PUS7: variants seen among roughly 807,000 people sequenced by gnomAD.
PUS7 encodes the protein pseudouridylate synthase 7 homolog.
A neutral mutation model predicts 79.8 loss-of-function variants in PUS7; 48 were observed. The observed-to-expected ratio is 0.60, with a 90% confidence interval of 0.48 to 0.76. PUS7 has a LOEUF of 0.76. Ranked by LOEUF, PUS7 falls within the 30% of genes least tolerant of loss-of-function variation. The pLI is 0.00. For missense variants in PUS7, 729 were observed against 797.6 expected, an observed-to-expected ratio of 0.91 and a Z score of 1.04; for synonymous variants, 286 against 272.2, an observed-to-expected ratio of 1.05 and a Z score of -0.50.
Position 105,457,605 on chromosome 7 carries a change from A to G in PUS7, c.*185T>C. 1 of 463,418 alleles carries G rather than the reference A, an allele frequency of 2.2e-6. No individual in the cohort carries two copies. Among genetic ancestry groups the G allele is most frequent in the South Asian group, 5.7e-5 (1 of 17,596 alleles). 28.7% of individuals were successfully genotyped at this position (463,418 alleles called of 1,614,324 possible). On this transcript the variant is annotated 3_prime_UTR_variant, in exon 16 of 16. Transcript: ENST00000469408. ...ATTCTGAGCTAAAATTAAGAACCTC[A>G]GGATTTGTGTACATGTACAAATATT...
chr7:105,492,207 A>G (rs540103719), intron 6 of PUS7, among the ~76,000 whole-genome samples: 132 of 152,248 alleles, frequency 8.7e-4, no homozygotes, highest in African/African-American at 3.1e-3. Flanking sequence ...GTTGGAGGCT[A>G]CAGTGCGCTA....
At chr7:105,482,998 T>A (rs1199657387) in intron 7 of PUS7, among the ~76,000 whole-genome samples, 1 of 152,162 alleles carries the variant, frequency 6.6e-6, no homozygotes, top group Non-Finnish European at 1.5e-5. Context: ...ACATGTTATA[T>A]ATAGCTGGAA....
intron 14 of PUS7, 88 bp downstream of exon 14, chr7:105,462,533 G>T: frequency 7.3e-7 from 1 of 1,375,612 alleles, no homozygotes. Context: ...GAAAATTCTT[G>T]TGCAGTACAT....
At chr7:105,509,089 C>T (rs937145692) in intron 1 of PUS7, among the ~76,000 whole-genome samples, 1 of 141,976 alleles carries the variant, frequency 7.0e-6, no homozygotes, top group African/African-American at 2.6e-5. Context: ...GAGGCTGAGG[C>T]AGGAGAATCG....
intron 7 of PUS7, 33 bp from the exon 8 acceptor site, chr7:105,482,473 A>T (rs372648304): frequency 1.9e-6 from 3 of 1,558,062 alleles, no homozygotes; most frequent in Non-Finnish European, 2.6e-6. Flanking sequence ...AACAAAACAA[A>T]AAAGAGTAGA....
In PUS7 at chr7:105,457,693, T is replaced by G; in HGVS notation, c.*97A>C. On this transcript the variant is annotated 3_prime_UTR_variant, in exon 16 of 16. Coordinates refer to ENST00000469408, the MANE Select transcript of PUS7 (RefSeq NM_019042.5). ...ACAAATAATTTTTATTACAAAGATT[T>G]GAAATCCATATATGAGTCTGAACTA... 7.9e-6 allele frequency: 9 copies of G among 1,142,922 alleles called. No individual in the cohort carries two copies. Among genetic ancestry groups the G allele is most frequent in the African/African-American group, 1.6e-5 (1 of 63,000 alleles). 70.8% of individuals were successfully genotyped at this position (1,142,922 alleles called of 1,614,324 possible). A position where few individuals can be genotyped will look rare whatever the true frequency, so the allele number is the denominator to read the frequency against.
At chr7:105,466,531 G>A (rs553025041) in intron 12 of PUS7, among the ~76,000 whole-genome samples, 2 of 152,090 alleles carry the variant, frequency 1.3e-5, no homozygotes, top group African/African-American at 4.8e-5. Flanking sequence ...GGGATTACGG[G>A]TGTGAGCTAC....
At chr7:105,480,376 G>A (rs1350206359) in intron 9 of PUS7, among the ~76,000 whole-genome samples, 3 of 152,118 alleles carry the variant, frequency 2.0e-5, no homozygotes, top group African/African-American at 4.8e-5. Flanking sequence ...TTGGGATGCC[G>A]AGGCAGGAGA....
Position 105,457,182 on chromosome 7 carries a change from G to T in PUS7, c.*608C>A, listed in dbSNP as rs1434966364. On this transcript the variant is annotated 3_prime_UTR_variant, in exon 16 of 16. Transcript: ENST00000469408. ...AATAAAATGGGCCTATCAATGCAAC[G>T]TTCCTGCAAGGCATTGATAATATAA... The T allele has an allele frequency of 6.6e-6, 1 of 152,028 alleles. No individual in the cohort carries two copies. Among genetic ancestry groups the T allele is most frequent in the Non-Finnish European group, 1.5e-5 (1 of 68,010 alleles). The allele number at this position is 152,028 out of a possible 1,614,324, so 9.4% of individuals were successfully genotyped here. A position where few individuals can be genotyped will look rare whatever the true frequency, so the allele number is the denominator to read the frequency against.
intron 5 of PUS7, among the ~76,000 whole-genome samples, chr7:105,500,793 C>T (rs1825215898): frequency 6.6e-6 from 1 of 152,238 alleles, no homozygotes; most frequent in African/African-American, 2.4e-5. Context: ...GCTCCAATCA[C>T]TTTCCACTGG....
Position 105,491,614 on chromosome 7 carries a change from G to C in PUS7, c.846C>G (p.Val282=), listed in dbSNP as rs769175229. The C allele has an allele frequency of 6.4e-7, 1 of 1,574,178 alleles. No homozygotes were observed. The highest frequency in any genetic ancestry group is 8.7e-7 in the Non-Finnish European group (1 of 1,144,668). The change falls in exon 7 of 16, where the codon GTC becomes GTG. Residue 282 remains valine (V), a synonymous_variant. Coordinates refer to ENST00000469408, the MANE Select transcript of PUS7 (RefSeq NM_019042.5). Reference sequence around the variant, plus strand: ...CCATGTAGGAGAATATATTTGGCTTGACTCTGGTAAGAGAGAAACAAGATC... The same window carrying C: ...CCATGTAGGAGAATATATTTGGCTTCACTCTGGTAAGAGAGAAACAAGATC... ...AINVLSKYLR[V]KPNIFSYMGT... is the part of the protein sequence containing the mutation.
intron 5 of PUS7, among the ~76,000 whole-genome samples, chr7:105,501,887 G>A (rs538244502): frequency 3.0e-4 from 45 of 151,216 alleles, no homozygotes; most frequent in African/African-American, 5.1e-4. Context: ...CCCAGGAGGC[G>A]GAGCTTGCAG....
At chr7:105,467,368 C>A (rs56401061) in intron 12 of PUS7, among the ~76,000 whole-genome samples, 6,283 of 151,110 alleles carry the variant, frequency 0.042, 203 homozygotes, top group African/African-American at 0.094. Context: ...CGGCTCACTG[C>A]AAGCTCCGCC....
At chr7:105,465,113 G>A (rs541483645) in intron 13 of PUS7, among the ~76,000 whole-genome samples, 200 bp downstream of exon 13, 4 of 152,244 alleles carry the variant, frequency 2.6e-5, no homozygotes, top group South Asian at 2.1e-4. Context: ...GTGAGCCACC[G>A]TGCCTGACCT....
intron 9 of PUS7, among the ~76,000 whole-genome samples, chr7:105,477,372 C>T (rs1044938448): frequency 6.6e-6 from 1 of 151,676 alleles, no homozygotes. Context: ...CTCAGCCTCC[C>T]GAGTAGCTGG....
intron 7 of PUS7, among the ~76,000 whole-genome samples, chr7:105,488,683 T>C (rs909038512): frequency 6.6e-6 from 1 of 152,218 alleles, no homozygotes; most frequent in African/African-American, 2.4e-5. Flanking sequence ...GCTATATACC[T>C]ACAGGAAATA....
At chr7:105,508,845 C>T (rs1474179952) in intron 1 of PUS7, among the ~76,000 whole-genome samples, 1 of 125,146 alleles carries the variant, frequency 8.0e-6, no homozygotes, top group African/African-American at 3.0e-5. Context: ...GCACTCCAGC[C>T]TGGGCGACAG....
intron 4 of PUS7, among the ~76,000 whole-genome samples, chr7:105,503,916 A>T (rs767936279): frequency 1.8e-4 from 28 of 152,152 alleles, no homozygotes; most frequent in Non-Finnish European, 3.8e-4. Context: ...TCCATGCCTG[A>T]GCCACTGTGC....
chr7:105,502,641 AAC>A (rs1825302551), intron 4 of PUS7, 77 bp from the exon 5 acceptor site: 2 of 1,450,682 alleles, frequency 1.4e-6, no homozygotes, highest in Admixed American at 3.8e-5. Context: ...AATTAGTAAA[AAC>A]ACTGCTCACC....
Sources: gnomAD v4.1 joint callset for allele counts (sites outside exome capture counted in the v4.1 genomes callset) on GRCh38, gnomAD v4.1.1 for gene constraint, MANE v1.5 for transcripts, NCBI Gene and HGNC (gene_info 2026-07-23, HGNC 2026-07-21) for gene names.